Variants in PTPRN2 observed in about 807,000 individuals in gnomAD.
The protein encoded by PTPRN2 is protein tyrosine phosphatase receptor type N2.
Under a neutral mutation model 118.8 loss-of-function variants are expected in PTPRN2, and 74 were observed. The ratio of observed to expected loss-of-function variants is 0.62; its 90% CI spans 0.52 to 0.76. The LOEUF (loss-of-function observed/expected upper bound fraction) is 0.76. PTPRN2 is among the 30% of genes least tolerant of loss of function. The pLI, the probability that PTPRN2 is intolerant of heterozygous loss-of-function variation, is 0.00. For missense variants in PTPRN2, 1,481 were observed against 1,394.4 expected (o/e 1.06, Z -0.99); for synonymous variants, 641 against 608.0 (o/e 1.05, Z -0.80).
At chr7:158,149,156 CAGTG>C (rs1820609426) in intron 6 of PTPRN2, among the ~76,000 whole-genome samples, 1 of 150,366 alleles carries the variant, frequency 6.7e-6, no homozygotes, top group Non-Finnish European at 1.5e-5. Flanking sequence ...CTTTCCCCCT[CAGTG>C]ACACCCCATC....
At chr7:157,645,725 G>A (rs1183897385) in intron 14 of PTPRN2, among the ~76,000 whole-genome samples, 1 of 152,216 alleles carries the variant, frequency 6.6e-6, no homozygotes, top group African/African-American at 2.4e-5. Flanking sequence ...CATGACCACA[G>A]CAGCACCGGC....
chr7:157,703,747 G>C (rs1468580), intron 12 of PTPRN2, among the ~76,000 whole-genome samples: 71,985 of 151,944 alleles, frequency 0.47, 17,990 homozygotes, highest in East Asian at 0.63. Flanking sequence ...CCCCGCGGCC[G>C]CTTGTCCTCT....
chr7:158,101,751 C>T (rs763134990), intron 10 of PTPRN2, among the ~76,000 whole-genome samples: 2 of 152,198 alleles, frequency 1.3e-5, no homozygotes, highest in African/African-American at 2.4e-5. Flanking sequence ...GTAGTGCACC[C>T]GTCAGCCTCA....
At chr7:157,873,528 G>A (rs1584924860) in intron 12 of PTPRN2, among the ~76,000 whole-genome samples, 1 of 148,808 alleles carries the variant, frequency 6.7e-6, no homozygotes, top group South Asian at 2.2e-4. Context: ...AGAACGTACT[G>A]TCCTCAAGGT....
intron 11 of PTPRN2, among the ~76,000 whole-genome samples, chr7:157,992,547 C>A (rs1418147328): frequency 6.6e-6 from 1 of 152,218 alleles, no homozygotes; most frequent in South Asian, 2.1e-4. Context: ...TTAGAATACA[C>A]AGAACTAAAT....
intron 12 of PTPRN2, among the ~76,000 whole-genome samples, chr7:157,824,552 G>T (rs910923564): frequency 6.6e-6 from 1 of 152,200 alleles, no homozygotes; most frequent in Non-Finnish European, 1.5e-5. Context: ...CAGGCCCCCG[G>T]AAGAACTCGG....
intron 12 of PTPRN2, among the ~76,000 whole-genome samples, chr7:157,710,796 C>T (rs1348945238): frequency 4.6e-5 from 7 of 151,700 alleles, no homozygotes; most frequent in African/African-American, 1.7e-4. Flanking sequence ...CCGGGTTACA[C>T]GCGAGAGCCC....
At chr7:158,342,651 G>C (rs924292629) in intron 2 of PTPRN2, among the ~76,000 whole-genome samples, 2 of 152,154 alleles carry the variant, frequency 1.3e-5, no homozygotes, top group African/African-American at 4.8e-5. Flanking sequence ...AACTCAGTCA[G>C]TCCTTATGAT....
chr7:157,675,858 G>C (rs374255966), intron 13 of PTPRN2, among the ~76,000 whole-genome samples: 2 of 152,148 alleles, frequency 1.3e-5, no homozygotes, highest in Non-Finnish European at 2.9e-5. Context: ...GCTGGGCCTC[G>C]CACCCCAGGG....
chr7:158,309,109 C>T (rs1586195736), intron 3 of PTPRN2, among the ~76,000 whole-genome samples: 1 of 152,164 alleles, frequency 6.6e-6, no homozygotes, highest in Non-Finnish European at 1.5e-5. Flanking sequence ...AGAAAGAATA[C>T]TCTTCAATTA....
At chr7:158,061,247 C>T (rs555242836) in intron 11 of PTPRN2, among the ~76,000 whole-genome samples, 120 of 152,324 alleles carry the variant, frequency 7.9e-4, no homozygotes, top group African/African-American at 2.6e-3. Context: ...GTGCGCGTCC[C>T]GCCTCTGCAA....
intron 11 of PTPRN2, 55 bp downstream of exon 11, chr7:158,081,241 CGT>C (rs750370459): frequency 9.4e-5 from 140 of 1,482,774 alleles, no homozygotes; most frequent in Middle Eastern, 1.9e-4. Flanking sequence ...TGTTTGCGTG[CGT>C]GTGTGTGTGC....
Position 157,953,347 on chromosome 7 carries a change from G to A in PTPRN2, c.1724-54610C>T, listed in dbSNP as rs140351438. 4.3e-4 allele frequency among the ~76,000 whole-genome samples: 66 copies of A among 152,228 alleles called. No homozygotes were observed. The highest frequency in any genetic ancestry group is 3.4e-3 in the Middle Eastern group (1 of 294). On this transcript the variant is annotated intron_variant, in intron 11 of 22. Transcript: ENST00000389418. This position sits in a 1 kb window ranked among gnomAD's most constrained non-coding sequence, Gnocchi z 4.6. ...GGATGGAGACGTGGGAGCAGGGGCT[G>A]GCAGCACTCCCCGAGCACAGTGGGA...
intron 3 of PTPRN2, among the ~76,000 whole-genome samples, chr7:158,244,614 TA>T: frequency 6.6e-6 from 1 of 151,916 alleles, no homozygotes; most frequent in Non-Finnish European, 1.5e-5. Flanking sequence ...GTGTACAAGC[TA>T]TGTATGTGTT....
intron 3 of PTPRN2, among the ~76,000 whole-genome samples, chr7:158,236,603 G>A (rs565389569): frequency 3.0e-4 from 45 of 152,288 alleles, no homozygotes; most frequent in African/African-American, 4.8e-4. Context: ...TGGAGCCGCC[G>A]TGAAGACGTG....
intron 20 of PTPRN2, among the ~76,000 whole-genome samples, chr7:157,570,757 A>G (rs1473758767): frequency 6.6e-6 from 1 of 152,168 alleles, no homozygotes; most frequent in African/African-American, 2.4e-5. Flanking sequence ...ACTGGCCCCA[A>G]GCATTTCTCA....
rs1822985816 is a variant in PTPRN2 at position 158,509,016 on chromosome 7, A to G, written c.113-19231T>C. ...TGAGCTCACAAGGGGTCGGATTGCA[A>G]GATCTCTTCAGAGGTGGAAGCTGAT... is the stretch of plus-strand genomic sequence containing the variant. On this transcript the variant is annotated intron_variant, in intron 1 of 22. Transcript: ENST00000389418. This position sits in a 1 kb window ranked among gnomAD's most constrained non-coding sequence, Gnocchi z 4.4. 6.6e-6 allele frequency among the ~76,000 whole-genome samples: 1 copy of G among 152,076 alleles called. No homozygotes were observed. The highest frequency in any genetic ancestry group is 2.4e-5 in the African/African-American group (1 of 41,398).
At chr7:157,852,997 A>G (rs935752917) in intron 12 of PTPRN2, among the ~76,000 whole-genome samples, 2 of 151,800 alleles carry the variant, frequency 1.3e-5, no homozygotes, top group African/African-American at 4.8e-5. Flanking sequence ...TTGATTTTGG[A>G]ATGTGGTTTC....
chr7:157,852,642 G>GCA, intron 12 of PTPRN2, among the ~76,000 whole-genome samples: 1 of 152,098 alleles, frequency 6.6e-6, no homozygotes, highest in Non-Finnish European at 1.5e-5. Flanking sequence ...AGGCTGAGAA[G>GCA]GGCGGATCAC....
Sources: allele counts gnomAD v4.1 joint callset (sites outside exome capture counted in the v4.1 genomes callset), GRCh38; gene constraint gnomAD v4.1.1; non-coding constraint Gnocchi (gnomAD v3.1); transcripts MANE v1.5; gene names NCBI Gene and HGNC (gene_info 2026-07-23, HGNC 2026-07-21).